Variants in HPSE observed in about 807,000 individuals in gnomAD.
The protein encoded by HPSE is endo-glucoronidase.
Under a neutral mutation model 65.1 loss-of-function variants are expected in HPSE, and 48 were observed. The observed-to-expected ratio is 0.74, with a 90% CI of 0.58 to 0.94. HPSE has a LOEUF of 0.94. Among genes scored for constraint, HPSE ranks in the 40% least tolerant of loss-of-function variants. The probability of loss-of-function intolerance (pLI) is 0.00; values close to 1 mark genes in which losing one functional copy is unlikely to be tolerated. For synonymous variants in HPSE, 243 were observed against 260.0 expected, an observed-to-expected ratio of 0.93 and a Z score of 0.63; for missense variants, 644 against 637.5, an observed-to-expected ratio of 1.01 and a Z score of -0.11.
At chr4:83,307,107 T>G (rs1736170384) in intron 8 of HPSE, among the ~76,000 whole-genome samples, 1 of 152,172 alleles carries the variant, frequency 6.6e-6, no homozygotes, top group African/African-American at 2.4e-5. Flanking sequence ...ACCGGCCAAA[T>G]TATCCTTAAA....
Position 83,313,283 on chromosome 4 carries a change from G to A in HPSE, c.504C>T (p.Ser168=). The A allele has an allele frequency of 6.2e-7, 1 of 1,602,176 alleles. No individual in the cohort carries two copies. The highest frequency in any genetic ancestry group is 8.5e-7 in the Non-Finnish European group (1 of 1,175,036). ...KKFKNSTYSR[S]SVDVLYTFAN... is the part of the protein sequence containing the mutation. ...CAAAAGTGTATAGCACATCTACAGA[G>A]CTTCCTAAAAGAAAAACGTCACAAT... Residue 168 remains serine, a synonymous_variant, in exon 4 of 12, where the codon AGC becomes AGT. Coordinates refer to ENST00000311412, the MANE Select transcript of HPSE (RefSeq NM_001098540.3).
intron 1 of HPSE, 68 bp downstream of exon 1, chr4:83,334,488 G>C (rs6832713): frequency 0.13 from 196,054 of 1,462,088 alleles, 13,630 homozygotes; most frequent in Middle Eastern, 0.18. Flanking sequence ...GAAGGAGAGC[G>C]GCTGGCGGGG....
Position 83,295,245 on chromosome 4 carries a change from A to G in HPSE, c.*99T>C. 1 of 970,942 alleles carries G rather than the reference A, an allele frequency of 1.0e-6. No homozygotes were observed. The allele number at this position is 970,942 out of a possible 1,614,324, so 60.1% of individuals were successfully genotyped here. On this transcript the variant is annotated 3_prime_UTR_variant, in exon 12 of 12. Coordinates refer to ENST00000311412, the MANE Select transcript of HPSE (RefSeq NM_001098540.3). ...TCCCAGTGTCTCTCAAGCACCCACTAGTTGCTTTGCAAGGTATCTGCTTCC... is the reference window on the plus strand; with the variant it reads ...TCCCAGTGTCTCTCAAGCACCCACTGGTTGCTTTGCAAGGTATCTGCTTCC...
intron 3 of HPSE, among the ~76,000 whole-genome samples, chr4:83,316,739 C>G (rs1736660541): frequency 6.6e-6 from 1 of 152,182 alleles, no homozygotes; most frequent in Non-Finnish European, 1.5e-5. Flanking sequence ...CCTTTTCCTG[C>G]TCAAACAGGT....
At chr4:83,320,962 C>T (rs138861414) in intron 2 of HPSE, among the ~76,000 whole-genome samples, 87 of 152,206 alleles carry the variant, frequency 5.7e-4, no homozygotes, top group African/African-American at 1.9e-3. Flanking sequence ...TACTTTGGGA[C>T]GCCAAGGCAG....
Position 83,310,764 on chromosome 4 carries a change from T to A in HPSE, c.800A>T (p.Asp267Val). The A allele has an allele frequency of 6.2e-7, 1 of 1,614,108 alleles. No homozygotes were observed. The highest frequency in any genetic ancestry group is 1.1e-5 in the South Asian group (1 of 91,082). Residue 267 changes from aspartate to valine, a missense_variant, in exon 5 of 12, where the codon GAT (aspartate) becomes GTT (valine). Physicochemically the swap from Asp to Val is radical, Grantham distance 152. Transcript: ENST00000311412. ...CGTCTTTCTTCGAGGCTGACCAACA[T>A]CAGGACCATAGAGTTTTGCATTTTT... ...TFKNAKLYGP[D>V]VGQPRRKTAK...
intron 11 of HPSE, among the ~76,000 whole-genome samples, chr4:83,299,994 C>T (rs927121695): frequency 3.9e-5 from 6 of 152,222 alleles, no homozygotes; most frequent in African/African-American, 9.6e-5. Context: ...TGAGCCACTG[C>T]GCCAAGCCTG....
In HPSE at chr4:83,293,889, G is replaced by C. The variant is rs547349039; in HGVS notation, c.*1455C>G. The C allele has an allele frequency of 6.6e-6, 1 of 152,120 alleles. No individual in the cohort carries two copies. The highest frequency in any genetic ancestry group is 2.4e-5 in the African/African-American group (1 of 41,420). 9.4% of individuals were successfully genotyped at this position (152,120 alleles called of 1,614,324 possible). On this transcript the variant is annotated 3_prime_UTR_variant, in exon 12 of 12. Coordinates refer to ENST00000311412, the MANE Select transcript of HPSE (RefSeq NM_001098540.3). ...GTTTCTCTTTTACAACCAGTTTCAC[G>C]GTAACGGCAGTATGCTTTTTCTGAT... is the stretch of plus-strand genomic sequence containing the variant.
Position 83,300,640 on chromosome 4 carries a change from C to A in HPSE, c.1472+320G>T, listed in dbSNP as rs1346197943. Among the ~76,000 whole-genome samples, 10 of 24,802 alleles carry A rather than the reference C, an allele frequency of 4.0e-4. 4 individuals carry two copies. The South Asian group carries it at 0.022, about 55-fold the overall frequency. 16.3% of individuals were successfully genotyped at this position (24,802 alleles called of 152,430 possible). On this transcript the variant is annotated intron_variant, in intron 11 of 11. Coordinates refer to ENST00000311412, the MANE Select transcript of HPSE (RefSeq NM_001098540.3). The stretch of plus-strand genomic sequence containing the variant: ...CCCATCCGGGCTAAAACGGTGAAAC[C>A]CCGTCTCTACTAAAAATACAAAAAA...
At chr4:83,315,861 T>C (rs891442973) in intron 3 of HPSE, among the ~76,000 whole-genome samples, 1 of 152,188 alleles carries the variant, frequency 6.6e-6, no homozygotes, top group Non-Finnish European at 1.5e-5. Context: ...CCTGGAATGC[T>C]TGCACTCATA....
In HPSE at chr4:83,319,206, G is replaced by A. The variant is rs1184557319; in HGVS notation, c.499+138C>T. 10 of 867,182 alleles carry A rather than the reference G, an allele frequency of 1.2e-5. No homozygotes were observed. In the Admixed American group the frequency reaches 1.7e-4, roughly 15 times the overall value. The allele number at this position is 867,182 out of a possible 1,614,324, so 53.7% of individuals were successfully genotyped here. A position where few individuals can be genotyped will look rare whatever the true frequency, so the allele number is the denominator to read the frequency against. On this transcript the variant is annotated intron_variant, in intron 3 of 11. Coordinates refer to ENST00000311412, the MANE Select transcript of HPSE (RefSeq NM_001098540.3). ...AACCAAAAAGCAAGTTTTGAGTTTA[G>A]GATTTCCCATTTGGGAAATGCTTCA...
chr4:83,313,517 G>A (rs1453210013), intron 3 of HPSE, among the ~76,000 whole-genome samples: 3 of 152,112 alleles, frequency 2.0e-5, no homozygotes, highest in Non-Finnish European at 2.9e-5. Flanking sequence ...GATACCAGAA[G>A]CTCTGGTCTG....
upstream of HPSE, chr4:83,334,938 C>T: frequency 8.2e-7 from 1 of 1,223,506 alleles, no homozygotes; most frequent in Non-Finnish European, 1.1e-6. Context: ...ATCCCTCCCA[C>T]TCCTCTTCTG....
Position 83,326,364 on chromosome 4 carries a change from T to TTTGA in HPSE, c.228-4004_228-4001dup, listed in dbSNP as rs539472636. Among the ~76,000 whole-genome samples the TTTGA allele has an allele frequency of 6.6e-5, 10 of 152,194 alleles. No homozygotes were observed. In the South Asian group the frequency reaches 2.1e-3, roughly 32 times the overall value. ...CATGAGCTATTGTACCTGGCCTAGA[T>TTTGA]TTGATTATTAATTGGATGTTGAGGA... On this transcript the variant is annotated intron_variant, in intron 1 of 11. Transcript: ENST00000311412. This position sits in a 1 kb window ranked among gnomAD's most constrained non-coding sequence, Gnocchi z 4.2.
chr4:83,325,130 GGTGTGT>G (rs70949703), intron 1 of HPSE, among the ~76,000 whole-genome samples: 8,866 of 134,086 alleles, frequency 0.066, 347 homozygotes, highest in African/African-American at 0.11. Flanking sequence ...TATACAACTT[GGTGTGT>G]GTGTGTGTGT....
chr4:83,310,959 T>C, intron 4 of HPSE, 69 bp from the exon 5 acceptor site: 1 of 1,215,236 alleles, frequency 8.2e-7, no homozygotes, highest in Non-Finnish European at 1.2e-6. Flanking sequence ...TATAGCAGTA[T>C]TTAAAAGCAA....
chr4:83,310,618 G>T, intron 5 of HPSE, 104 bp downstream of exon 5: 1 of 1,062,082 alleles, frequency 9.4e-7, no homozygotes, highest in Non-Finnish European at 1.4e-6. Context: ...GTTGCAGTGA[G>T]CCATGATTGT....
intron 3 of HPSE, among the ~76,000 whole-genome samples, chr4:83,316,871 T>G (rs180859075): frequency 1.1e-4 from 17 of 152,200 alleles, no homozygotes; most frequent in Admixed American, 8.5e-4. Context: ...CACCCGTTTT[T>G]TTGTTGTTGT....
chr4:83,306,373 C>T lies in HPSE; in HGVS notation c.1092-56G>A, dbSNP rs140649354. The T allele has an allele frequency of 1.6e-3, 1,321 of 810,958 alleles. 10 individuals carry two copies. In the African/African-American group the frequency reaches 0.02, roughly 12 times the overall value. The allele number at this position is 810,958 out of a possible 1,614,324, so 50.2% of individuals were successfully genotyped here. ...GGTTTGGAAACAAAATCGCTCAATT[C>T]TAATTGCACACCATCTTGATTTTAT... On this transcript the variant is annotated intron_variant, in intron 8 of 11. Transcript: ENST00000311412.
Sources: gnomAD v4.1 joint callset for allele counts (sites outside exome capture counted in the v4.1 genomes callset) on GRCh38, gnomAD v4.1.1 for gene constraint, Gnocchi (gnomAD v3.1) non-coding constraint, MANE v1.5 for transcripts, NCBI Gene and HGNC (gene_info 2026-07-23, HGNC 2026-07-21) for gene names.